Variants in MAMDC2 observed in about 807,000 individuals in gnomAD.
MAMDC2 encodes the protein MAM domain-containing protein 2.
MAMDC2 carries 57 observed loss-of-function variants against 89.8 expected under a neutral mutation model. The ratio of observed to expected loss-of-function variants is 0.63; its 90% CI spans 0.51 to 0.79. MAMDC2 has a LOEUF of 0.79. Ranked by LOEUF, MAMDC2 falls within the 30% of genes least tolerant of loss-of-function variation. MAMDC2 has a pLI of 0.00. For synonymous variants in MAMDC2, 313 were observed against 293.4 expected, an observed-to-expected ratio of 1.07 and a Z score of -0.68; for missense variants, 800 against 820.6, an observed-to-expected ratio of 0.97 and a Z score of 0.31.
At chr9:70,182,847 C>G (rs1156590801) in intron 11 of MAMDC2, among the ~76,000 whole-genome samples, 1 of 152,160 alleles carries the variant, frequency 6.6e-6, no homozygotes, top group Non-Finnish European at 1.5e-5. Context: ...ATGTCTCTAT[C>G]TCCTTCAGCT....
intron 2 of MAMDC2, among the ~76,000 whole-genome samples, chr9:70,091,356 C>T: frequency 6.6e-6 from 1 of 152,136 alleles, no homozygotes; most frequent in Non-Finnish European, 1.5e-5. Context: ...TTCAGGAAGA[C>T]CTAATCTCAG....
intron 10 of MAMDC2, chr9:70,169,826 C>T (rs1217229958): frequency 6.6e-6 from 1 of 152,122 alleles, no homozygotes; most frequent in African/African-American, 2.4e-5. Context: ...GAAAATAAAC[C>T]TCTGGGTGGC....
Position 70,226,159 on chromosome 9 carries a change from T to A in MAMDC2, c.*127T>A, listed in dbSNP as rs2033637461. ...GTTATAAAATGACTTTAGAGCACCC[T>A]CCTTCATTACTTTTGCAAAAACATA... On this transcript the variant is annotated 3_prime_UTR_variant, in exon 14 of 14. Coordinates refer to ENST00000377182, the MANE Select transcript of MAMDC2 (RefSeq NM_153267.5). The A allele has an allele frequency of 3.8e-6, 2 of 532,160 alleles. No homozygotes were observed. The highest frequency in any genetic ancestry group is 7.6e-5 in the Admixed American group (2 of 26,280). The allele number at this position is 532,160 out of a possible 1,614,324, so 33.0% of individuals were successfully genotyped here.
intron 9 of MAMDC2, among the ~76,000 whole-genome samples, chr9:70,151,583 C>T (rs2031580851): frequency 6.6e-6 from 1 of 152,158 alleles, no homozygotes; most frequent in South Asian, 2.1e-4. Flanking sequence ...GAATCATGGT[C>T]TAGTCAACTT....
At chr9:70,136,783 C>G (rs2031029100) in intron 7 of MAMDC2, among the ~76,000 whole-genome samples, 1 of 152,118 alleles carries the variant, frequency 6.6e-6, no homozygotes, top group Non-Finnish European at 1.5e-5. Context: ...TTTTTTATTA[C>G]CCAGTAGCAG....
At chr9:70,145,584 G>GCACGCATGTACA (rs1554675492) in intron 9 of MAMDC2, among the ~76,000 whole-genome samples, 49 of 23,896 alleles carry the variant, frequency 2.1e-3, no homozygotes, top group African/African-American at 4.1e-3. Flanking sequence ...ACACACACAT[G>GCACGCATGTACA]CACACACATA....
intron 2 of MAMDC2, among the ~76,000 whole-genome samples, chr9:70,056,277 G>A (rs563845468): frequency 2.0e-5 from 3 of 152,298 alleles, no homozygotes; most frequent in African/African-American, 7.2e-5. Flanking sequence ...AGGGTAGACT[G>A]TTGGAGAATT....
intron 8 of MAMDC2, among the ~76,000 whole-genome samples, chr9:70,142,714 G>A (rs2031267399): frequency 6.6e-6 from 1 of 152,188 alleles, no homozygotes; most frequent in Admixed American, 6.5e-5. Flanking sequence ...GAGGCATAGA[G>A]AGCTCTGGCA....
intron 9 of MAMDC2, among the ~76,000 whole-genome samples, chr9:70,147,558 C>T (rs955865139): frequency 3.3e-5 from 5 of 149,940 alleles, no homozygotes; most frequent in Non-Finnish European, 5.9e-5. Flanking sequence ...TTTTTGGATC[C>T]ATAAACTTTA....
At chr9:70,124,086 G>T (rs1257508150) in intron 5 of MAMDC2, among the ~76,000 whole-genome samples, 3 of 152,210 alleles carry the variant, frequency 2.0e-5, no homozygotes, top group Non-Finnish European at 4.4e-5. Context: ...GCAGCATGGG[G>T]CTGGGTGCCG....
At chr9:70,102,888 G>A (rs1828232507) in intron 2 of MAMDC2, among the ~76,000 whole-genome samples, 1 of 152,132 alleles carries the variant, frequency 6.6e-6, no homozygotes, top group African/African-American at 2.4e-5. Context: ...CAGATCCCTG[G>A]CCTGATGCAT....
chr9:70,158,095 G>C (rs2031828539), intron 9 of MAMDC2, among the ~76,000 whole-genome samples: 1 of 152,028 alleles, frequency 6.6e-6, no homozygotes, highest in Non-Finnish European at 1.5e-5. Context: ...GTAGCTGGAA[G>C]TACAGGTGTG....
intron 6 of MAMDC2, among the ~76,000 whole-genome samples, chr9:70,130,896 AC>A (rs1381643002): frequency 4.6e-5 from 7 of 152,236 alleles, no homozygotes; most frequent in African/African-American, 1.7e-4. Flanking sequence ...AGCAGAAATG[AC>A]ATAGGCACTT....
chr9:70,132,474 G>C (rs1462326379), intron 7 of MAMDC2, among the ~76,000 whole-genome samples: 1 of 151,912 alleles, frequency 6.6e-6, no homozygotes, highest in Non-Finnish European at 1.5e-5. Context: ...TCAAGATAGA[G>C]TTGGTTTGTA....
At chr9:70,134,407 A>G (rs1196544750) in intron 7 of MAMDC2, among the ~76,000 whole-genome samples, 1 of 150,382 alleles carries the variant, frequency 6.6e-6, no homozygotes, top group African/African-American at 2.4e-5. Context: ...AGAAGATGGG[A>G]GCAAGCCTTC....
chr9:70,194,156 T>C (rs192486068), intron 11 of MAMDC2: 2 of 152,212 alleles, frequency 1.3e-5, no homozygotes, highest in East Asian at 3.9e-4. Context: ...GACCAAACAA[T>C]GAGCTGCCTC....
chr9:70,083,376 A>G (rs1827697768), intron 2 of MAMDC2: 1 of 152,040 alleles, frequency 6.6e-6, no homozygotes. Context: ...AATAGTTCAT[A>G]TATCGTTGCT....
rs765239530 is a variant in MAMDC2 at position 70,126,342 on chromosome 9, G to A, written c.827G>A (p.Trp276Ter). The A allele has an allele frequency of 6.2e-7, 1 of 1,614,144 alleles. No individual in the cohort carries two copies. The highest frequency in any genetic ancestry group is 1.1e-5 in the South Asian group (1 of 91,068). The part of the protein sequence containing the change: ...RDVAGLYEEI[W>*]KADRPGNAAW... ...GTGGCTGGCCTTTACGAGGAAATCT[G>A]GAAAGCAGACAGGCCAGGGAATGCT... Residue 276 changes from tryptophan (W) to a stop codon, truncating the protein, a stop_gained, in exon 6 of 14, where the codon TGG becomes TAG. Transcript: ENST00000377182. LOFTEE classifies it high-confidence loss of function.
At chr9:70,174,497 G>T (rs1563987012) in intron 11 of MAMDC2, among the ~76,000 whole-genome samples, 1 of 152,162 alleles carries the variant, frequency 6.6e-6, no homozygotes, top group Non-Finnish European at 1.5e-5. Context: ...CTTGAAAAGA[G>T]TTGAGGTAGC....
Sources: gnomAD v4.1 joint callset for allele counts (sites outside exome capture counted in the v4.1 genomes callset) on GRCh38, gnomAD v4.1.1 for gene constraint, MANE v1.5 for transcripts, NCBI Gene and HGNC (gene_info 2026-07-23, HGNC 2026-07-21) for gene names.